Variants in NRP1 observed in about 807,000 individuals in gnomAD.
NRP1 encodes neuropilin 1.
A neutral mutation model predicts 106.7 loss-of-function variants in NRP1; 35 were observed. That is an observed-to-expected ratio of 0.33 (90% CI 0.25 to 0.43). NRP1 has a LOEUF of 0.43. NRP1 is among the 20% of genes least tolerant of loss of function. The pLI is 1.00. For synonymous variants in NRP1, 437 were observed against 417.9 expected (o/e 1.05, Z -0.56); for missense variants, 1,024 against 1,170.4 (o/e 0.87, Z 1.83).
chr10:33,314,211 C>G (rs1257416845), intron 2 of NRP1, among the ~76,000 whole-genome samples: 4 of 151,968 alleles, frequency 2.6e-5, no homozygotes, highest in Non-Finnish European at 4.4e-5. Flanking sequence ...CACAGCCTCC[C>G]GAGTAACTAA....
chr10:33,191,761 A>C (rs1248366912), intron 13 of NRP1, among the ~76,000 whole-genome samples: 2 of 152,036 alleles, frequency 1.3e-5, no homozygotes, highest in African/African-American at 4.8e-5. Context: ...GGTGGATCAC[A>C]AGGTCAGGAG....
chr10:33,272,973 C>T (rs887073636), intron 2 of NRP1, among the ~76,000 whole-genome samples: 1 of 151,678 alleles, frequency 6.6e-6, no homozygotes, highest in African/African-American at 2.4e-5. Context: ...AATATAGTGC[C>T]GGTGGATTGC....
chr10:33,248,899 C>T (rs987535965), intron 6 of NRP1, among the ~76,000 whole-genome samples: 1 of 152,122 alleles, frequency 6.6e-6, no homozygotes, highest in African/African-American at 2.4e-5. Context: ...GGCATAAATA[C>T]TCTAGTACCA....
At chr10:33,330,395 G>GA (rs559017298) in intron 2 of NRP1, among the ~76,000 whole-genome samples, 7,149 of 127,466 alleles carry the variant, frequency 0.056, 377 homozygotes, top group African/African-American at 0.15. Context: ...CCCTCTCCAG[G>GA]AAAAAAAAAA....
At chr10:33,222,522 TA>T (rs1201687795) in intron 7 of NRP1, among the ~76,000 whole-genome samples, 22 of 149,806 alleles carry the variant, frequency 1.5e-4, no homozygotes, top group South Asian at 1.0e-3. Flanking sequence ...TTTATTTATT[TA>T]TTTATTTATT....
At position 33,255,809 on chromosome 10, in the gene NRP1, A is replaced by G. The variant is rs535755171; in HGVS notation, c.814+507T>C. 7.8e-4 allele frequency among the ~76,000 whole-genome samples: 119 copies of G among 152,266 alleles called. 1 individual carries two copies. The highest frequency in any genetic ancestry group is 2.7e-3 in the African/African-American group (111 of 41,542). On this transcript the variant is annotated intron_variant, in intron 5 of 16. Coordinates refer to ENST00000374867, the MANE Select transcript of NRP1 (RefSeq NM_003873.7). ...GCCTTTAAAAGAGCTAGAGACCACAAAAACTTTGAGGAAGGGTTGAGTTAG... is the reference window on the plus strand; with the variant it reads ...GCCTTTAAAAGAGCTAGAGACCACAGAAACTTTGAGGAAGGGTTGAGTTAG...
intron 6 of NRP1, among the ~76,000 whole-genome samples, chr10:33,247,687 C>T (rs1393255991): frequency 6.6e-6 from 1 of 152,162 alleles, no homozygotes; most frequent in Non-Finnish European, 1.5e-5. Context: ...TCAGAGTGGC[C>T]AGAGAGCTTT....
intron 1 of NRP1, among the ~76,000 whole-genome samples, chr10:33,331,364 G>C (rs1322794560): frequency 6.6e-6 from 1 of 152,118 alleles, no homozygotes; most frequent in African/African-American, 2.4e-5. Context: ...TCTTTGATTG[G>C]CTTAAAGCCA....
intron 9 of NRP1, among the ~76,000 whole-genome samples, chr10:33,210,737 T>A (rs1838236213): frequency 6.6e-6 from 1 of 152,222 alleles, no homozygotes; most frequent in African/African-American, 2.4e-5. Flanking sequence ...AAAATTTAAA[T>A]CCATCCAAGT....
chr10:33,230,961 A>G (rs947751403), intron 6 of NRP1, among the ~76,000 whole-genome samples: 1 of 150,328 alleles, frequency 6.7e-6, no homozygotes, highest in African/African-American at 2.5e-5. Context: ...TCTGCTAGTC[A>G]TGACATTGGC....
At chr10:33,212,695 G>C (rs1344801565) in intron 9 of NRP1, 1 of 152,246 alleles carries the variant, frequency 6.6e-6, no homozygotes, top group Non-Finnish European at 1.5e-5. Flanking sequence ...TTTTGAGACG[G>C]AATCTCACTC....
At chr10:33,231,438 G>C (rs900636234) in intron 6 of NRP1, among the ~76,000 whole-genome samples, 1 of 152,118 alleles carries the variant, frequency 6.6e-6, no homozygotes, top group Non-Finnish European at 1.5e-5. Context: ...GTGAATATTT[G>C]TATGCATGTT....
chr10:33,332,356 T>C (rs1206075016), intron 1 of NRP1, among the ~76,000 whole-genome samples: 1 of 152,206 alleles, frequency 6.6e-6, no homozygotes, highest in African/African-American at 2.4e-5. Context: ...GCTGAGACTC[T>C]TGCATTATTT....
chr10:33,302,929 T>C (rs1361441223), intron 2 of NRP1, among the ~76,000 whole-genome samples: 2 of 152,196 alleles, frequency 1.3e-5, no homozygotes, highest in Non-Finnish European at 2.9e-5. Context: ...TCATTCCATG[T>C]AAAAGGACTG....
intron 2 of NRP1, among the ~76,000 whole-genome samples, chr10:33,296,124 G>A (rs1054909308): frequency 6.6e-6 from 1 of 152,206 alleles, no homozygotes; most frequent in South Asian, 2.1e-4. Context: ...TATATAATAA[G>A]ATTAGAATAA....
chr10:33,242,172 A>G (rs1841076070), intron 6 of NRP1, among the ~76,000 whole-genome samples: 1 of 152,162 alleles, frequency 6.6e-6, no homozygotes, highest in Non-Finnish European at 1.5e-5. Context: ...GGCTGTCCAG[A>G]TGAAGGTCAT....
At position 33,226,224 on chromosome 10, in the gene NRP1, G is replaced by C; in HGVS notation, c.1047C>G (p.Thr349=). 1 of 1,614,136 alleles carries C rather than the reference G, an allele frequency of 6.2e-7. No homozygotes were observed. The highest frequency in any genetic ancestry group is 1.7e-5 in the Admixed American group (1 of 60,008). The change falls in exon 7 of 17, where the codon ACC becomes ACG. Residue 349 remains threonine (T), a synonymous_variant. Transcript: ENST00000374867. ...VGTQGAISKE[T]KKKYYVKTYK... is the part of the protein sequence containing the mutation. Reference sequence around the variant, plus strand: ...AAGTCTTGACATAATATTTCTTCTTGGTTTCTTTTGAAATGGCGCCCTGTG... The same window carrying C: ...AAGTCTTGACATAATATTTCTTCTTCGTTTCTTTTGAAATGGCGCCCTGTG...
At chr10:33,225,798 A>G (rs896592697) in intron 7 of NRP1, among the ~76,000 whole-genome samples, 10 of 152,348 alleles carry the variant, frequency 6.6e-5, no homozygotes, top group Non-Finnish European at 1.2e-4. Context: ...CGAGGGGGGA[A>G]AAACAACAAA....
At chr10:33,233,920 A>G (rs1298253165) in intron 6 of NRP1, among the ~76,000 whole-genome samples, 3 of 152,212 alleles carry the variant, frequency 2.0e-5, no homozygotes, top group Admixed American at 2.0e-4. Flanking sequence ...GCCTGTGAAC[A>G]TCAATGCTAT....
Sources: allele counts gnomAD v4.1 joint callset (sites outside exome capture counted in the v4.1 genomes callset), GRCh38; gene constraint gnomAD v4.1.1; transcripts MANE v1.5; gene names NCBI Gene and HGNC (gene_info 2026-07-23, HGNC 2026-07-21).